The following ZNF385D variants were observed in gnomAD, a reference collection of about 807,000 sequenced individuals.
ZNF385D encodes the protein zinc finger protein 659.
A neutral mutation model predicts 35.8 loss-of-function variants in ZNF385D; 15 were observed. The observed-to-expected ratio is 0.42, with a 90% CI of 0.28 to 0.64. The LOEUF is 0.64. Ranked by LOEUF, ZNF385D falls within the 30% of genes least tolerant of loss-of-function variation. The pLI, the probability that ZNF385D is intolerant of heterozygous loss-of-function variation, is 0.23. For missense variants in ZNF385D, 474 were observed against 494.6 expected (o/e 0.96, Z 0.39); for synonymous variants, 212 against 186.8 (o/e 1.13, Z -1.10).
At chr3:22,143,310 G>T (rs915205784) in intron 3 of ZNF385D, among the ~76,000 whole-genome samples, 2 of 151,832 alleles carry the variant, frequency 1.3e-5, no homozygotes, top group East Asian at 1.9e-4. Context: ...GGTCTTGATC[G>T]CCTGACCTCC....
At chr3:21,616,459 G>A (rs1236592973) in intron 2 of ZNF385D, among the ~76,000 whole-genome samples, 1 of 152,150 alleles carries the variant, frequency 6.6e-6, no homozygotes, top group Non-Finnish European at 1.5e-5. Context: ...TTCCTTGCGG[G>A]AGAATTTTTG....
intron 1 of ZNF385D, among the ~76,000 whole-genome samples, chr3:21,683,905 G>A (rs534068794): frequency 5.3e-5 from 8 of 150,196 alleles, no homozygotes; most frequent in African/African-American, 2.0e-4. Context: ...GTCCTGATGA[G>A]GACTCAGTCC....
chr3:21,461,914 C>A (rs1179239238), intron 4 of ZNF385D, among the ~76,000 whole-genome samples: 2 of 152,006 alleles, frequency 1.3e-5, no homozygotes, highest in African/African-American at 4.8e-5. Flanking sequence ...AACCTCTGAG[C>A]ACTTAAGTAT....
intron 2 of ZNF385D, among the ~76,000 whole-genome samples, chr3:22,243,249 A>G (rs999445707): frequency 1.3e-5 from 2 of 151,112 alleles, no homozygotes; most frequent in African/African-American, 2.4e-5. Context: ...ACATATATAA[A>G]CAGCCAATAA....
At chr3:21,583,471 T>A (rs536465944) in intron 2 of ZNF385D, among the ~76,000 whole-genome samples, 179 of 152,304 alleles carry the variant, frequency 1.2e-3, no homozygotes, top group Non-Finnish European at 2.2e-3. Context: ...CAGCTTCAGA[T>A]GAAGAACAAA....
intron 3 of ZNF385D, among the ~76,000 whole-genome samples, chr3:22,083,497 A>C (rs1268793153): frequency 6.6e-6 from 1 of 152,178 alleles, no homozygotes; most frequent in African/African-American, 2.4e-5. Context: ...TGGAAGATCA[A>C]ATTAATAAAT....
At chr3:21,773,871 A>G (rs923752979) in intron 3 of ZNF385D, among the ~76,000 whole-genome samples, 2 of 152,024 alleles carry the variant, frequency 1.3e-5, no homozygotes, top group Non-Finnish European at 2.9e-5. Context: ...CAATTCCTCA[A>G]AGACCTAGAG....
intron 2 of ZNF385D, among the ~76,000 whole-genome samples, chr3:21,584,667 T>C (rs1430711382): frequency 6.6e-6 from 1 of 152,198 alleles, no homozygotes; most frequent in Non-Finnish European, 1.5e-5. Context: ...TTCTAGTTTC[T>C]TTTTCCCTTT....
At chr3:21,760,483 T>G (rs142139625) in intron 3 of ZNF385D, among the ~76,000 whole-genome samples, 326 of 152,328 alleles carry the variant, frequency 2.1e-3, no homozygotes, top group Non-Finnish European at 3.7e-3. Context: ...TTTTATGCAG[T>G]GGGACGTTAT....
chr3:21,879,962 A>T (rs1698190777), intron 3 of ZNF385D, among the ~76,000 whole-genome samples: 1 of 151,964 alleles, frequency 6.6e-6, no homozygotes, highest in South Asian at 2.1e-4. Context: ...CAGTCCACCA[A>T]ATTAGAGTCT....
At chr3:21,852,127 T>C (rs1474879713) in intron 3 of ZNF385D, among the ~76,000 whole-genome samples, 1 of 151,998 alleles carries the variant, frequency 6.6e-6, no homozygotes, top group African/African-American at 2.4e-5. Context: ...GAATGCCAAA[T>C]AGTTTTTATG....
At chr3:22,163,517 A>G (rs1706107473) in intron 3 of ZNF385D, among the ~76,000 whole-genome samples, 1 of 151,968 alleles carries the variant, frequency 6.6e-6, no homozygotes, top group Non-Finnish European at 1.5e-5. Context: ...TTTAGATATG[A>G]TAATGCTCTT....
intron 3 of ZNF385D, among the ~76,000 whole-genome samples, chr3:22,020,767 A>G (rs1697175990): frequency 6.6e-6 from 1 of 152,004 alleles, no homozygotes; most frequent in South Asian, 2.1e-4. Flanking sequence ...CAGCAATCCC[A>G]CTACTGGGTA....
chr3:21,769,959 C>T (rs901221002), intron 3 of ZNF385D, among the ~76,000 whole-genome samples: 1 of 152,062 alleles, frequency 6.6e-6, no homozygotes. Context: ...TGATCTTTGA[C>T]AAAACTGACA....
chr3:21,592,424 T>C (rs1043125856), intron 2 of ZNF385D, among the ~76,000 whole-genome samples: 1 of 151,910 alleles, frequency 6.6e-6, no homozygotes, highest in Admixed American at 6.6e-5. Flanking sequence ...AAGTTAATGA[T>C]TGCTACAGAT....
At chr3:21,968,466 C>G (rs1279222888) in intron 3 of ZNF385D, among the ~76,000 whole-genome samples, 1 of 152,166 alleles carries the variant, frequency 6.6e-6, no homozygotes, top group Admixed American at 6.5e-5. Context: ...ATCCCTCCCC[C>G]AGCCCCAGGC....
At chr3:22,182,605 TAG>T (rs745325742) in intron 2 of ZNF385D, among the ~76,000 whole-genome samples, 1 of 152,036 alleles carries the variant, frequency 6.6e-6, no homozygotes, top group Non-Finnish European at 1.5e-5. Flanking sequence ...GAATTTGACT[TAG>T]AGAGAGTAGA....
chr3:21,732,443 T>G (rs2069065149), intron 1 of ZNF385D, among the ~76,000 whole-genome samples: 1 of 152,122 alleles, frequency 6.6e-6, no homozygotes, highest in Non-Finnish European at 1.5e-5. Flanking sequence ...AAAAAGAAGT[T>G]TAGTTTTGTA....
intron 1 of ZNF385D, among the ~76,000 whole-genome samples, chr3:21,724,749 C>A (rs1409241676): frequency 6.6e-6 from 1 of 151,930 alleles, no homozygotes; most frequent in African/African-American, 2.4e-5. Flanking sequence ...ATTTAACACC[C>A]CACTGTCAAT....
Sources: allele counts gnomAD v4.1 joint callset (sites outside exome capture counted in the v4.1 genomes callset), GRCh38; gene constraint gnomAD v4.1.1; transcripts MANE v1.5; gene names NCBI Gene and HGNC (gene_info 2026-07-23, HGNC 2026-07-21).